Variants in SGCD observed in about 807,000 individuals in gnomAD.
SGCD encodes delta-sarcoglycan.
SGCD carries 18 observed loss-of-function variants against 36.6 expected under a neutral mutation model. That is an observed-to-expected ratio of 0.49 (90% confidence interval 0.34 to 0.73). The LOEUF (loss-of-function observed/expected upper bound fraction) is 0.73, where lower values mean the gene tolerates loss of function less well. Among genes scored for constraint, SGCD ranks in the 30% least tolerant of loss-of-function variants. The pLI, the probability that SGCD is intolerant of heterozygous loss-of-function variation, is 0.01. For synonymous variants in SGCD, 133 were observed against 130.6 expected (o/e 1.02, Z -0.12); for missense variants, 387 against 346.7 (o/e 1.12, Z -0.92).
At chr5:155,863,063 A>C in the SGCD span, among the ~76,000 whole-genome samples, 1 of 152,200 alleles carries the variant, frequency 6.6e-6, no homozygotes, top group African/African-American at 2.4e-5. Flanking sequence ...AGAAAGATAG[A>C]TATCCATGTA....
At chr5:155,980,386 C>G (rs1404975088) in intron 1 of SGCD, among the ~76,000 whole-genome samples, 1 of 151,680 alleles carries the variant, frequency 6.6e-6, no homozygotes, top group African/African-American at 2.4e-5. Context: ...GAGATGGAGA[C>G]CATCCTGGCT....
At chr5:156,468,315 T>G (rs1754799502) in intron 3 of SGCD, among the ~76,000 whole-genome samples, 1 of 143,834 alleles carries the variant, frequency 7.0e-6, no homozygotes, top group African/African-American at 2.6e-5. Flanking sequence ...CACTTTAGCT[T>G]GGGTGACAAG....
intron 3 of SGCD, among the ~76,000 whole-genome samples, chr5:156,395,871 C>T (rs998741796): frequency 6.6e-6 from 1 of 152,166 alleles, no homozygotes; most frequent in African/African-American, 2.4e-5. Context: ...AGAGTTCCTT[C>T]TAGGTCAAAT....
chr5:156,456,635 A>G (rs2127812180), intron 3 of SGCD, among the ~76,000 whole-genome samples: 1 of 152,332 alleles, frequency 6.6e-6, no homozygotes, highest in South Asian at 2.1e-4. Context: ...TTAAGCAAAA[A>G]AAATCTCTGG....
chr5:156,488,240 T>A (rs1301771619), intron 3 of SGCD, among the ~76,000 whole-genome samples: 3 of 150,982 alleles, frequency 2.0e-5, no homozygotes, highest in Non-Finnish European at 4.4e-5. Context: ...GACAATGGCA[T>A]AGAAATCCTA....
chr5:156,607,774 G>A (rs576805281), intron 6 of SGCD, among the ~76,000 whole-genome samples: 11 of 152,278 alleles, frequency 7.2e-5, no homozygotes, highest in Non-Finnish European at 1.5e-5. Flanking sequence ...TTAGTCTTGG[G>A]AGGGTGTATG....
intron 3 of SGCD, among the ~76,000 whole-genome samples, chr5:156,501,486 T>G (rs1756452142): frequency 1.3e-5 from 2 of 152,224 alleles, no homozygotes; most frequent in South Asian, 4.1e-4. Context: ...TGTACTCATC[T>G]TCTATAGAAA....
chr5:156,305,618 T>C (rs1767185903), intron 3 of SGCD, among the ~76,000 whole-genome samples: 1 of 152,122 alleles, frequency 6.6e-6, no homozygotes, highest in Non-Finnish European at 1.5e-5. Flanking sequence ...GCACCACCTA[T>C]TGGAGCTGTG....
chr5:155,835,002 ATTTT>A, the SGCD span, among the ~76,000 whole-genome samples: 45 of 60,178 alleles, frequency 7.5e-4, 1 homozygote, highest in Admixed American at 2.2e-3. Flanking sequence ...TGCCCAGCTA[ATTTT>A]TTTTTTTTTT....
chr5:156,260,172 A>T (rs1346381778), intron 3 of SGCD, among the ~76,000 whole-genome samples: 1 of 152,196 alleles, frequency 6.6e-6, no homozygotes, highest in Non-Finnish European at 1.5e-5. Context: ...GAGAGCCTTT[A>T]AATAAAATAG....
At chr5:156,045,623 A>G (rs539417337) in intron 1 of SGCD, among the ~76,000 whole-genome samples, 1 of 152,148 alleles carries the variant, frequency 6.6e-6, no homozygotes, top group Non-Finnish European at 1.5e-5. Flanking sequence ...GATGTTCTAG[A>G]TCCAACTAAA....
intron 3 of SGCD, among the ~76,000 whole-genome samples, chr5:156,187,937 AT>A (rs1293709259): frequency 6.6e-6 from 1 of 152,170 alleles, no homozygotes. Context: ...GGTACAAGGT[AT>A]GGTGAGAAAT....
intron 7 of SGCD, among the ~76,000 whole-genome samples, chr5:156,692,319 CTATT>C (rs1754146313): frequency 6.6e-6 from 1 of 152,118 alleles, no homozygotes; most frequent in South Asian, 2.1e-4. Flanking sequence ...TCGTGATTGA[CTATT>C]AATGTCTGCC....
At chr5:155,968,238 C>A (rs1286264685) in intron 1 of SGCD, among the ~76,000 whole-genome samples, 1 of 152,080 alleles carries the variant, frequency 6.6e-6, no homozygotes, top group East Asian at 1.9e-4. Context: ...ATCAGCAGTA[C>A]CTGAGACATT....
intron 4 of SGCD, among the ~76,000 whole-genome samples, chr5:156,569,051 G>A (rs1377010351): frequency 6.6e-6 from 1 of 151,992 alleles, no homozygotes; most frequent in African/African-American, 2.4e-5. Flanking sequence ...TTGTATTCCA[G>A]ATGTGCTCTT....
intron 1 of SGCD, among the ~76,000 whole-genome samples, chr5:156,047,421 T>C (rs1759796427): frequency 6.6e-6 from 1 of 152,162 alleles, no homozygotes; most frequent in African/African-American, 2.4e-5. Context: ...GCCTCATTGC[T>C]TCAAAAAACA....
chr5:156,150,844 CT>C (rs1231645592), intron 3 of SGCD, among the ~76,000 whole-genome samples: 2 of 151,612 alleles, frequency 1.3e-5, no homozygotes, highest in African/African-American at 4.9e-5. Context: ...GCTCAGTGGT[CT>C]TTATATTTAT....
At chr5:156,194,290 GATC>G (rs1763967944) in intron 3 of SGCD, among the ~76,000 whole-genome samples, 2 of 152,010 alleles carry the variant, frequency 1.3e-5, no homozygotes, top group Non-Finnish European at 2.9e-5. Flanking sequence ...GAGGTGGGAG[GATC>G]TCTTGGGCCT....
chr5:156,202,452 G>A (rs1764173457), intron 3 of SGCD, among the ~76,000 whole-genome samples: 1 of 152,136 alleles, frequency 6.6e-6, no homozygotes, highest in African/African-American at 2.4e-5. Context: ...GAGGTGTTAG[G>A]CTAATGATAA....
Sources: gnomAD v4.1 joint callset for allele counts (sites outside exome capture counted in the v4.1 genomes callset) on GRCh38, gnomAD v4.1.1 for gene constraint, MANE v1.5 for transcripts, NCBI Gene and HGNC (gene_info 2026-07-23, HGNC 2026-07-21) for gene names.